EIF2AK2: variants seen among roughly 807,000 people sequenced by gnomAD.
EIF2AK2 encodes eukaryotic translation initiation factor 2 alpha kinase 2.
A neutral mutation model predicts 70.5 loss-of-function variants in EIF2AK2; 40 were observed. The observed-to-expected ratio is 0.57, with a 90% confidence interval of 0.44 to 0.74. The LOEUF is 0.74. EIF2AK2 is among the 30% of genes least tolerant of loss of function. The pLI, the probability that EIF2AK2 is intolerant of heterozygous loss-of-function variation, is 0.00. For synonymous variants in EIF2AK2, 198 were observed against 220.9 expected, an observed-to-expected ratio of 0.90 and a Z score of 0.92; for missense variants, 555 against 644.3, an observed-to-expected ratio of 0.86 and a Z score of 1.50.
At chr2:37,140,527 C>G (rs1338130513) in intron 5 of EIF2AK2, among the ~76,000 whole-genome samples, 1 of 151,958 alleles carries the variant, frequency 6.6e-6, no homozygotes, top group Non-Finnish European at 1.5e-5. Context: ...GAGTCTTCCC[C>G]GCTAGACCCT....
chr2:37,153,334 A>AC (rs1675811192), intron 1 of EIF2AK2, among the ~76,000 whole-genome samples: 4 of 89,320 alleles, frequency 4.5e-5, no homozygotes, highest in Admixed American at 4.4e-4. Flanking sequence ...AGTCTCTGCT[A>AC]ATCTTTTTTT....
Position 37,139,636 on chromosome 2 carries a change from A to C in EIF2AK2, c.511T>G (p.Ser171Ala). 1 of 1,610,552 alleles carries C rather than the reference A, an allele frequency of 6.2e-7. No individual in the cohort carries two copies. The highest frequency in any genetic ancestry group is 8.5e-7 in the Non-Finnish European group (1 of 1,179,178). ...AATCCAAAGGCAATACGTACCACTGAGGTTTCTTCTGATAATATCTGAAGA... is the reference window on the plus strand; with the variant it reads ...AATCCAAAGGCAATACGTACCACTGCGGTTTCTTCTGATAATATCTGAAGA... Reference protein sequence around the residue: ...AYLQILSEETSVKSDYLSSGS... With the variant: ...AYLQILSEETAVKSDYLSSGS... The change falls in exon 6 of 17, where the codon TCA becomes GCA. Residue 171 changes from serine (S) to alanine (A), a missense_variant. Transcript: ENST00000233057.
At chr2:37,128,033 T>C (rs1236165013) in intron 10 of EIF2AK2, among the ~76,000 whole-genome samples, 3 of 152,144 alleles carry the variant, frequency 2.0e-5, no homozygotes, top group Non-Finnish European at 4.4e-5. Context: ...TGAGCCACTG[T>C]GCTTGGCCTG....
At chr2:37,121,214 G>A (rs1361014840) in intron 12 of EIF2AK2, among the ~76,000 whole-genome samples, 2 of 115,018 alleles carry the variant, frequency 1.7e-5, no homozygotes, top group East Asian at 5.5e-4. Context: ...AGTGAGCCAA[G>A]ATTGCACCAC....
At chr2:37,122,899 G>C (rs965383184) in intron 11 of EIF2AK2, among the ~76,000 whole-genome samples, 3 of 152,182 alleles carry the variant, frequency 2.0e-5, no homozygotes, top group Non-Finnish European at 4.4e-5. Context: ...CGGGCGCGGT[G>C]GCTCAGGCCT....
At chr2:37,129,181 A>G (rs1467821733) in intron 10 of EIF2AK2, among the ~76,000 whole-genome samples, 1 of 152,060 alleles carries the variant, frequency 6.6e-6, no homozygotes, top group Non-Finnish European at 1.5e-5. Context: ...AAGAGGACAA[A>G]CATCTCCATT....
chr2:37,135,909 A>G (rs1380638929), intron 9 of EIF2AK2, among the ~76,000 whole-genome samples: 1 of 152,200 alleles, frequency 6.6e-6, no homozygotes, highest in African/African-American at 2.4e-5. Flanking sequence ...TGGGGATCAC[A>G]GGCGCAAGCC....
rs534912688 is a variant in EIF2AK2, at chr2:37,104,770, G to A, written c.*2503C>T. 6.6e-6 allele frequency: 1 copy of A among 151,368 alleles called. No homozygotes were observed. Among genetic ancestry groups the A allele is most frequent in the South Asian group, 2.1e-4 (1 of 4,806 alleles). The allele number at this position is 151,368 out of a possible 1,614,324, so 9.4% of individuals were successfully genotyped here. ...TCATCTTATAGAATGACTACATTCA[G>A]GATTTGTCTAATAATTTCCTCATGA... is the stretch of plus-strand genomic sequence containing the variant. On this transcript the variant is annotated 3_prime_UTR_variant, in exon 17 of 17. Coordinates refer to ENST00000233057, the MANE Select transcript of EIF2AK2 (RefSeq NM_001135651.3).
intron 9 of EIF2AK2, 184 bp downstream of exon 9, chr2:37,136,799 G>C (rs879045117): frequency 2.0e-6 from 1 of 498,280 alleles, no homozygotes; most frequent in Admixed American, 4.1e-5. Context: ...TTACAGTGTA[G>C]CATGTGCACA....
intron 1 of EIF2AK2, among the ~76,000 whole-genome samples, chr2:37,153,526 T>A (rs966735540): frequency 6.6e-6 from 1 of 151,886 alleles, no homozygotes; most frequent in Non-Finnish European, 1.5e-5. Flanking sequence ...CTAATCTCTC[T>A]TCTGTCTCTG....
Position 37,139,644 on chromosome 2 carries a change from T to A in EIF2AK2, c.503A>T (p.Glu168Val). 1.2e-6 allele frequency: 2 copies of A among 1,613,590 alleles called. No individual in the cohort carries two copies. Among genetic ancestry groups the A allele is most frequent in the African/African-American group, 1.3e-5 (1 of 75,028 alleles). ...GGCAATACGTACCACTGAGGTTTCT[T>A]CTGATAATATCTGAAGATATGCAAG... The part of the protein sequence containing the change: ...AKLAYLQILS[E>V]ETSVKSDYLS... The change falls in exon 6 of 17, where the codon GAA becomes GTA. Residue 168 changes from glutamate (E) to valine (V), a missense_variant. Physicochemically the swap from Glu to Val is moderately radical, Grantham distance 121. This residue lies in a region of EIF2AK2 where 208 missense variants were observed against 191.8 expected (regional missense o/e 1.08). Coordinates refer to ENST00000233057, the MANE Select transcript of EIF2AK2 (RefSeq NM_001135651.3).
intron 1 of EIF2AK2, among the ~76,000 whole-genome samples, chr2:37,154,075 C>A (rs1273609482): frequency 2.6e-5 from 4 of 152,094 alleles, no homozygotes; most frequent in Non-Finnish European, 4.4e-5. Flanking sequence ...ACCTGTAATC[C>A]CAGCACTTTG....
chr2:37,144,986 A>G (rs1261403012), intron 4 of EIF2AK2, among the ~76,000 whole-genome samples: 3 of 152,062 alleles, frequency 2.0e-5, no homozygotes, highest in African/African-American at 7.2e-5. Flanking sequence ...ATGAACCGCT[A>G]TGCCCAACCA....
chr2:37,125,905 T>C (rs966555449), intron 11 of EIF2AK2, among the ~76,000 whole-genome samples: 2 of 152,252 alleles, frequency 1.3e-5, no homozygotes, highest in Non-Finnish European at 2.9e-5. Context: ...AGTTTCCTCA[T>C]CTATAAAATA....
intron 12 of EIF2AK2, 34 bp from the exon 13 acceptor site, chr2:37,120,173 C>G: frequency 8.0e-7 from 1 of 1,255,184 alleles, no homozygotes; most frequent in East Asian, 3.0e-5. Context: ...TTAAAAGTAA[C>G]AATAAATATA....
chr2:37,148,262 A>G (rs894391649), intron 2 of EIF2AK2, among the ~76,000 whole-genome samples: 19 of 152,312 alleles, frequency 1.2e-4, no homozygotes, highest in African/African-American at 4.3e-4. Context: ...TATCAACTAC[A>G]TGTTTGCCTA....
In EIF2AK2 at chr2:37,103,212, T is replaced by A. The variant is rs1345131610; in HGVS notation, c.*4061A>T. 2 of 151,852 alleles carry A rather than the reference T, an allele frequency of 1.3e-5. No individual in the cohort carries two copies. Among genetic ancestry groups the A allele is most frequent in the African/African-American group, 2.4e-5 (1 of 41,318 alleles). 9.4% of individuals were successfully genotyped at this position (151,852 alleles called of 1,614,324 possible). ...TATCTTTTTTTTTCTTTTTTTTTTTTGAGACTGAGTTTTGCTCTTGTCACC... is the reference window on the plus strand; with the variant it reads ...TATCTTTTTTTTTCTTTTTTTTTTTAGAGACTGAGTTTTGCTCTTGTCACC... On this transcript the variant is annotated 3_prime_UTR_variant, in exon 17 of 17. Coordinates refer to ENST00000233057, the MANE Select transcript of EIF2AK2 (RefSeq NM_001135651.3).
chr2:37,112,051 C>T (rs1277258789), intron 14 of EIF2AK2, among the ~76,000 whole-genome samples: 1 of 151,358 alleles, frequency 6.6e-6, no homozygotes, highest in Admixed American at 6.6e-5. Flanking sequence ...CTCTTCTCCA[C>T]CCTCATTGCC....
intron 13 of EIF2AK2, among the ~76,000 whole-genome samples, 181 bp downstream of exon 13, chr2:37,119,778 G>C (rs1038407910): frequency 6.6e-6 from 1 of 151,602 alleles, no homozygotes; most frequent in East Asian, 1.9e-4. Context: ...TTTTAGTAGA[G>C]ACACGGTTTC....
Sources: allele counts gnomAD v4.1 joint callset (sites outside exome capture counted in the v4.1 genomes callset), GRCh38; gene constraint gnomAD v4.1.1; regional missense constraint gnomAD v4.1.1; transcripts MANE v1.5; gene names NCBI Gene and HGNC (gene_info 2026-07-23, HGNC 2026-07-21).